Variants in USP34 observed in about 807,000 individuals in gnomAD.
USP34 encodes ubiquitin carboxyl-terminal hydrolase 34.
A neutral mutation model predicts 460.3 loss-of-function variants in USP34; 70 were observed. That is an observed-to-expected ratio of 0.15 (90% CI 0.13 to 0.19). The LOEUF (loss-of-function observed/expected upper bound fraction) is 0.19, where lower values mean the gene tolerates loss of function less well. Among genes scored for constraint, USP34 ranks in the 10% least tolerant of loss-of-function variants. The pLI, the probability that USP34 is intolerant of heterozygous loss-of-function variation, is 1.00. For synonymous variants in USP34, 1,647 were observed against 1,405.3 expected, an observed-to-expected ratio of 1.17 and a Z score of -3.85; for missense variants, 3,985 against 4,236.2, an observed-to-expected ratio of 0.94 and a Z score of 1.65.
intron 1 of USP34, among the ~76,000 whole-genome samples, chr2:61,462,254 A>AAG (rs1695623438): frequency 2.0e-5 from 3 of 150,654 alleles, no homozygotes; most frequent in African/African-American, 7.3e-5. Flanking sequence ...GGAAAAAAAA[A>AAG]AAAAAGAAAA....
At chr2:61,314,535 C>A in intron 25 of USP34, 50 bp downstream of exon 25, 4 of 1,374,494 alleles carry the variant, frequency 2.9e-6, no homozygotes, top group Middle Eastern at 1.9e-4. Flanking sequence ...CTGGATATGT[C>A]AGGAATAAAA....
Position 61,394,921 on chromosome 2 carries a change from A to G in USP34, c.685T>C (p.Phe229Leu). 6.2e-7 allele frequency: 1 copy of G among 1,607,320 alleles called. No homozygotes were observed. The highest frequency in any genetic ancestry group is 8.5e-7 in the Non-Finnish European group (1 of 1,177,646). The change falls in exon 5 of 80, where the codon TTT (phenylalanine) becomes CTT (leucine). Residue 229 changes from phenylalanine to leucine, a missense_variant. Transcript: ENST00000398571. ...AAAGTTTCAGGAGTTCCATATTCAA[A>G]GCAATCCTTCATGAGAGAAAGGCCA... is the stretch of plus-strand genomic sequence containing the variant. ...KNGLSLMKDCFEYGTPETLPF... is the reference protein window; with the variant it reads ...KNGLSLMKDCLEYGTPETLPF...
chr2:61,201,553 TAAA>T (rs1686979110), intron 75 of USP34, among the ~76,000 whole-genome samples: 1 of 152,162 alleles, frequency 6.6e-6, no homozygotes, highest in African/African-American at 2.4e-5. Flanking sequence ...TATAGAGAAC[TAAA>T]CCCTATGAGG....
chr2:61,298,523 G>C (rs1321339791), intron 29 of USP34, among the ~76,000 whole-genome samples: 1 of 95,022 alleles, frequency 1.1e-5, no homozygotes, highest in Non-Finnish European at 1.9e-5. Context: ...GGAGGACAGA[G>C]TGAGACTCTG....
chr2:61,192,221 G>A (rs1686665819), intron 76 of USP34, among the ~76,000 whole-genome samples: 2 of 152,228 alleles, frequency 1.3e-5, no homozygotes, highest in Admixed American at 6.5e-5. Context: ...GATGCAACCA[G>A]GCAGTACAAT....
intron 5 of USP34, among the ~76,000 whole-genome samples, chr2:61,385,256 AT>A (rs1478351078): frequency 1.3e-5 from 2 of 152,208 alleles, no homozygotes. Context: ...CATTTGCCAT[AT>A]TTATTGTGAA....
chr2:61,246,798 C>A (rs1049767055), intron 49 of USP34, among the ~76,000 whole-genome samples: 1 of 152,030 alleles, frequency 6.6e-6, no homozygotes, highest in Non-Finnish European at 1.5e-5. Flanking sequence ...TAATTATGGA[C>A]AACTTCAATA....
chr2:61,284,817 T>C (rs1028678164), intron 35 of USP34, 58 bp downstream of exon 35: 2 of 1,379,978 alleles, frequency 1.4e-6, no homozygotes, highest in Admixed American at 4.6e-5. Flanking sequence ...AAATAAAGTT[T>C]TAAAACATTA....
chr2:61,406,715 A>T (rs1693883978), intron 2 of USP34, among the ~76,000 whole-genome samples: 1 of 151,980 alleles, frequency 6.6e-6, no homozygotes, highest in South Asian at 2.1e-4. Context: ...AAAAAAAAAA[A>T]AAATATTGGC....
At chr2:61,441,155 T>C (rs1694954105) in intron 1 of USP34, among the ~76,000 whole-genome samples, 1 of 151,392 alleles carries the variant, frequency 6.6e-6, no homozygotes, top group African/African-American at 2.4e-5. Flanking sequence ...TTTTTTTTTT[T>C]TGGACTCAGA....
rs1220447407 is a variant in USP34 at position 61,288,797 on chromosome 2, A to G, written c.4629T>C (p.Tyr1543=). ...AVDPSDLDLA[Y]HDVFAWSGIA... ...TACCAGACCAGGCAAAGACATCATG[A>G]TAAGCTAAATCCAAATCGGATGGAT... is the stretch of plus-strand genomic sequence containing the variant. The change falls in exon 34 of 80, where the codon TAT becomes TAC. Residue 1543 remains tyrosine, a synonymous_variant. Coordinates refer to ENST00000398571, the MANE Select transcript of USP34 (RefSeq NM_014709.4). 6.2e-7 allele frequency: 1 copy of G among 1,614,056 alleles called. No homozygotes were observed. Among genetic ancestry groups the G allele is most frequent in the Non-Finnish European group, 8.5e-7 (1 of 1,179,972 alleles).
chr2:61,424,937 C>T (rs1190470932), intron 1 of USP34, among the ~76,000 whole-genome samples: 1 of 152,070 alleles, frequency 6.6e-6, no homozygotes, highest in Non-Finnish European at 1.5e-5. Flanking sequence ...TCAAGTGATT[C>T]TCCTGCTGAG....
chr2:61,326,614 G>C (rs542939169), intron 20 of USP34, among the ~76,000 whole-genome samples: 2 of 152,106 alleles, frequency 1.3e-5, no homozygotes, highest in Admixed American at 1.3e-4. Context: ...TCTAGTTCAA[G>C]TACTTGAGCA....
chr2:61,431,460 C>G (rs1694673389), intron 1 of USP34, among the ~76,000 whole-genome samples: 2 of 152,200 alleles, frequency 1.3e-5, no homozygotes. Context: ...CTCCTGGCCT[C>G]AAGTGATCCT....
intron 1 of USP34, among the ~76,000 whole-genome samples, chr2:61,432,663 G>A (rs988016363): frequency 2.2e-4 from 33 of 151,916 alleles, no homozygotes; most frequent in African/African-American, 8.0e-4. Flanking sequence ...AATATATACA[G>A]ATAATATATA....
chr2:61,436,577 G>T (rs1335367984), intron 1 of USP34, among the ~76,000 whole-genome samples: 1 of 152,184 alleles, frequency 6.6e-6, no homozygotes, highest in Admixed American at 6.5e-5. Context: ...TCTAACGGGA[G>T]AGACAGACCT....
At chr2:61,401,040 AC>A (rs1693701913) in intron 3 of USP34, among the ~76,000 whole-genome samples, 1 of 150,454 alleles carries the variant, frequency 6.6e-6, no homozygotes, top group Non-Finnish European at 1.5e-5. Context: ...AGTCCCAGCT[AC>A]TTGGGAGGCT....
chr2:61,325,584 A>T (rs1312200182), intron 20 of USP34, 127 bp from the exon 21 acceptor site: 2 of 498,718 alleles, frequency 4.0e-6, no homozygotes, highest in African/African-American at 2.0e-5. Flanking sequence ...TTAACTAAGT[A>T]TCTTTGGTTA....
rs1180261971 is a variant in USP34 at position 61,389,306 on chromosome 2, A to C, written c.753+5547T>G. Among the ~76,000 whole-genome samples, 4 of 152,224 alleles carry C rather than the reference A, an allele frequency of 2.6e-5. No homozygotes were observed. In the South Asian group the frequency reaches 6.2e-4, roughly 24 times the overall value. On this transcript the variant is annotated intron_variant, in intron 5 of 79. Transcript: ENST00000398571. ...ATTTGCTTTGATAAATCACTGAGCC[A>C]CATGTTATCACTTTGTGTACGTTTC...
Sources: gnomAD v4.1 joint callset for allele counts (sites outside exome capture counted in the v4.1 genomes callset) on GRCh38, gnomAD v4.1.1 for gene constraint, MANE v1.5 for transcripts, NCBI Gene and HGNC (gene_info 2026-07-23, HGNC 2026-07-21) for gene names.